Variants in PTPRD observed in about 807,000 individuals in gnomAD.
The protein encoded by PTPRD is protein tyrosine phosphatase receptor type D, also known as receptor-type tyrosine-protein phosphatase delta.
PTPRD carries 34 observed loss-of-function variants against 214.5 expected under a neutral mutation model. That is an observed-to-expected ratio of 0.16 (90% confidence interval 0.12 to 0.21). The LOEUF (loss-of-function observed/expected upper bound fraction) is 0.21, where lower values mean the gene tolerates loss of function less well. Ranked by LOEUF, PTPRD falls within the 10% of genes least tolerant of loss-of-function variation. The pLI, the probability that PTPRD is intolerant of heterozygous loss-of-function variation, is 1.00. For missense variants in PTPRD, 2,545 were observed against 2,398.7 expected (o/e 1.06, Z -1.27); for synonymous variants, 1,128 against 845.7 (o/e 1.33, Z -5.79).
chr9:9,979,724 T>C (rs1381327395), intron 4 of PTPRD, among the ~76,000 whole-genome samples: 1 of 152,130 alleles, frequency 6.6e-6, no homozygotes, highest in African/African-American at 2.4e-5. Flanking sequence ...TGACTAAAGA[T>C]TGCAACGAGT....
At chr9:8,683,735 T>G (rs973445644) in intron 12 of PTPRD, among the ~76,000 whole-genome samples, 1 of 152,154 alleles carries the variant, frequency 6.6e-6, no homozygotes, top group Non-Finnish European at 1.5e-5. Context: ...ATGCTGGAAG[T>G]GATGCTATGT....
chr9:8,875,303 A>C lies in PTPRD; in HGVS notation c.-103-141357T>G, dbSNP rs571936139. Reference sequence around the variant, plus strand: ...CACTTCGGGAGGCCGAGGTAGGAGGATCCCGTGAGCCCAGGAGTTCGAGAG... The same window carrying C: ...CACTTCGGGAGGCCGAGGTAGGAGGCTCCCGTGAGCCCAGGAGTTCGAGAG... On this transcript the variant is annotated intron_variant, in intron 11 of 45. Transcript: ENST00000381196. Among the ~76,000 whole-genome samples the C allele has an allele frequency of 6.4e-4, 98 of 152,260 alleles. 1 individual carries two copies. In the South Asian group the frequency reaches 0.019, roughly 30 times the overall value.
intron 39 of PTPRD, among the ~76,000 whole-genome samples, chr9:8,371,651 C>G (rs2081558551): frequency 6.6e-6 from 1 of 151,998 alleles, no homozygotes; most frequent in Non-Finnish European, 1.5e-5. Context: ...ATAGTGCATT[C>G]CAGCTTAAAG....
intron 2 of PTPRD, among the ~76,000 whole-genome samples, chr9:10,345,961 G>C (rs1303612455): frequency 2.0e-5 from 3 of 152,122 alleles, no homozygotes; most frequent in Non-Finnish European, 4.4e-5. Flanking sequence ...CATTCTAACT[G>C]ATGTGAGATG....
chr9:10,573,168 A>G (rs773287888), intron 2 of PTPRD, among the ~76,000 whole-genome samples: 1 of 152,156 alleles, frequency 6.6e-6, no homozygotes, highest in Non-Finnish European at 1.5e-5. Flanking sequence ...CAAGATTCTC[A>G]ACTCCTGAAT....
At chr9:8,781,320 C>T (rs926310931) in intron 11 of PTPRD, among the ~76,000 whole-genome samples, 2 of 152,160 alleles carry the variant, frequency 1.3e-5, no homozygotes, top group South Asian at 2.1e-4. Flanking sequence ...TAAAAGCTGT[C>T]TCTGAAGCCT....
At chr9:10,229,802 T>C (rs1461018645) in intron 3 of PTPRD, among the ~76,000 whole-genome samples, 1 of 151,854 alleles carries the variant, frequency 6.6e-6, no homozygotes, top group Non-Finnish European at 1.5e-5. Flanking sequence ...CGTATACATA[T>C]GTAACAAACC....
intron 3 of PTPRD, among the ~76,000 whole-genome samples, chr9:10,250,160 T>C (rs2092637433): frequency 1.3e-5 from 2 of 152,258 alleles, no homozygotes; most frequent in South Asian, 4.1e-4. Flanking sequence ...AAAGTGAACA[T>C]TTATTGTTTT....
At position 10,202,671 on chromosome 9, in the gene PTPRD, G is replaced by GAGATATATATATATAT. The variant is rs376695815; in HGVS notation, c.-545+138291_-545+138292insATATATATATATATCT. ...GATGCCTACTTATAAAAATTATATG[G>GAGATATATATATATAT]ATATATATATATATATATATATATA... is the stretch of plus-strand genomic sequence containing the variant. On this transcript the variant is annotated intron_variant, in intron 3 of 45. Coordinates refer to ENST00000381196, the MANE Select transcript of PTPRD (RefSeq NM_002839.4). Among the ~76,000 whole-genome samples, 760 of 113,060 alleles carry GAGATATATATATATAT rather than the reference G, an allele frequency of 6.7e-3. 22 individuals carry two copies. The highest frequency in any genetic ancestry group is 0.025 in the African/African-American group (710 of 28,138). 74.2% of individuals were successfully genotyped at this position (113,060 alleles called of 152,430 possible). A position where few individuals can be genotyped will look rare whatever the true frequency, so the allele number is the denominator to read the frequency against.
intron 11 of PTPRD, among the ~76,000 whole-genome samples, chr9:8,894,543 TG>T (rs927612167): frequency 2.6e-5 from 4 of 151,870 alleles, no homozygotes; most frequent in Admixed American, 2.6e-4. Flanking sequence ...AAACTGTAAG[TG>T]GGTATAGATG....
At chr9:8,375,583 C>A (rs552857488) in intron 39 of PTPRD, among the ~76,000 whole-genome samples, 8 of 152,108 alleles carry the variant, frequency 5.3e-5, no homozygotes, top group African/African-American at 1.9e-4. Context: ...CAGTCCAGCC[C>A]ACAAGAACTT....
chr9:8,673,632 CTTTCTA>C (rs2097334652), intron 12 of PTPRD, among the ~76,000 whole-genome samples: 1 of 152,022 alleles, frequency 6.6e-6, no homozygotes, highest in African/African-American at 2.4e-5. Flanking sequence ...ATGTTTTTCT[CTTTCTA>C]TATTTTTAAT....
intron 2 of PTPRD, among the ~76,000 whole-genome samples, chr9:10,608,560 T>C (rs1402560617): frequency 1.3e-5 from 2 of 152,114 alleles, no homozygotes; most frequent in Non-Finnish European, 2.9e-5. Context: ...ATCTGAGAAT[T>C]TGCAAAATGC....
intron 3 of PTPRD, among the ~76,000 whole-genome samples, chr9:10,319,127 C>G (rs1368843528): frequency 6.6e-6 from 1 of 152,068 alleles, no homozygotes; most frequent in Non-Finnish European, 1.5e-5. Context: ...ATTGGCAAGA[C>G]ACCACCAGCA....
chr9:8,458,728 A>G (rs1174370999), intron 33 of PTPRD, among the ~76,000 whole-genome samples: 1 of 152,060 alleles, frequency 6.6e-6, no homozygotes, highest in Non-Finnish European at 1.5e-5. Flanking sequence ...TTACATGGAG[A>G]GAGGTAATAA....
chr9:9,998,535 C>T (rs1288680968), intron 4 of PTPRD, among the ~76,000 whole-genome samples: 2 of 146,824 alleles, frequency 1.4e-5, no homozygotes, highest in East Asian at 2.0e-4. Flanking sequence ...ACTTCCCAGA[C>T]ATTATCATGA....
At chr9:10,495,636 G>A (rs1211597297) in intron 2 of PTPRD, among the ~76,000 whole-genome samples, 3 of 151,596 alleles carry the variant, frequency 2.0e-5, no homozygotes, top group Non-Finnish European at 4.4e-5. Flanking sequence ...ATTTCAGTAA[G>A]GATAAAAGAG....
At chr9:9,448,360 T>C (rs921118383) in intron 8 of PTPRD, among the ~76,000 whole-genome samples, 1 of 151,958 alleles carries the variant, frequency 6.6e-6, no homozygotes, top group Non-Finnish European at 1.5e-5. Context: ...GATCATGGTG[T>C]CAGTTTCCCC....
At chr9:9,652,294 C>T (rs1393052355) in intron 7 of PTPRD, among the ~76,000 whole-genome samples, 1 of 152,168 alleles carries the variant, frequency 6.6e-6, no homozygotes, top group Non-Finnish European at 1.5e-5. Context: ...CTACCTTGCC[C>T]ATTCTCACAT....
Sources: allele counts gnomAD v4.1 joint callset (sites outside exome capture counted in the v4.1 genomes callset), GRCh38; gene constraint gnomAD v4.1.1; transcripts MANE v1.5; gene names NCBI Gene and HGNC (gene_info 2026-07-23, HGNC 2026-07-21).